Variants in KRT7 observed in about 807,000 individuals in gnomAD.
The protein encoded by KRT7 is keratin 7.
KRT7 carries 50 observed loss-of-function variants against 42.8 expected under a neutral mutation model. The ratio of observed to expected loss-of-function variants is 1.17; its 90% CI spans 0.93 to 1.48. KRT7 has a LOEUF of 1.48. KRT7 is among the 40% of genes most tolerant of loss of function. The pLI, the probability that KRT7 is intolerant of heterozygous loss-of-function variation, is 0.00. For missense variants in KRT7, 588 were observed against 637.6 expected (o/e 0.92, Z 0.84); for synonymous variants, 268 against 266.3 (o/e 1.01, Z -0.06).
At position 52,235,306 on chromosome 12, in the gene KRT7, G is replaced by A. The variant is rs1056043991; in HGVS notation, c.476G>A (p.Gly159Glu). 2 of 1,613,990 alleles carry A rather than the reference G, an allele frequency of 1.2e-6. No individual in the cohort carries two copies. The highest frequency in any genetic ancestry group is 1.7e-6 in the Non-Finnish European group (2 of 1,179,976). The part of the protein sequence containing the change: ...RGQLEALQVD[G>E]GRLEAELRSM... ...CAGCTTGAGGCACTGCAGGTGGATG[G>A]GGGCCGCCTGGAGGCGGAGCTGCGG... The change falls in exon 2 of 9, where the codon GGG becomes GAG. Residue 159 changes from glycine (G) to glutamate (E), a missense_variant. Gly to Glu is a moderately conservative substitution (Grantham distance 98). Coordinates refer to ENST00000331817, the MANE Select transcript of KRT7 (RefSeq NM_005556.4).
chr12:52,255,224 C>A, downstream of KRT7: 1 of 393,136 alleles, frequency 2.5e-6, no homozygotes. Context: ...GGAGTCCCTC[C>A]ACCTCTCCGA....
At chr12:52,238,530 C>T (rs73105198) in intron 3 of KRT7, 150 bp from the exon 4 acceptor site, 108,228 of 618,708 alleles carry the variant, frequency 0.17, 10,844 homozygotes, top group Non-Finnish European at 0.21. Context: ...CATGCTGTGA[C>T]CATGTACAGC....
At chr12:52,253,175 T>G, downstream of KRT7, 2 of 1,573,670 alleles carry the variant, frequency 1.3e-6, no homozygotes, top group Non-Finnish European at 1.7e-6. Flanking sequence ...CTAACCCCAC[T>G]CTCTTCCTAC....
chr12:52,251,211 C>A (rs141677266), downstream of KRT7, among the ~76,000 whole-genome samples: 981 of 152,234 alleles, frequency 6.4e-3, 14 homozygotes, highest in African/African-American at 0.022. Flanking sequence ...AACTCCTGAC[C>A]TCAAGTGATC....
chr12:52,247,885 C>T (rs1247573162), intron 7 of KRT7: 5 of 485,770 alleles, frequency 1.0e-5, no homozygotes, highest in Non-Finnish European at 1.5e-5. Context: ...TGTCATTTAA[C>T]CCTCACAGGC....
chr12:52,235,014 G>A, intron 1 of KRT7, 141 bp from the exon 2 acceptor site: 1 of 736,502 alleles, frequency 1.4e-6, no homozygotes, highest in Non-Finnish European at 2.3e-6. Flanking sequence ...GAGTCCAAAG[G>A]GAGAGGGCTG....
chr12:52,245,403 T>A lies in KRT7; in HGVS notation c.985-9T>A. The A allele has an allele frequency of 6.2e-7, 1 of 1,613,108 alleles. No individual in the cohort carries two copies. The highest frequency in any genetic ancestry group is 8.5e-7 in the Non-Finnish European group (1 of 1,179,734). On this transcript the variant is annotated splice_polypyrimidine_tract_variant and intron_variant, in intron 6 of 8. Transcript: ENST00000331817. ...GAGCCCCAGCTTACAGCTGCACTGCTGCCCACAGCGTGCCAAGTTGGAGGC... is the reference window on the plus strand; with the variant it reads ...GAGCCCCAGCTTACAGCTGCACTGCAGCCCACAGCGTGCCAAGTTGGAGGC...
downstream of KRT7, chr12:52,250,394 G>C (rs1376530737): frequency 7.6e-6 from 3 of 394,994 alleles, no homozygotes; most frequent in Non-Finnish European, 1.4e-5. Context: ...TCTGGGGACC[G>C]TGGGAGCTCC....
chr12:52,242,328 C>T (rs752511548), intron 5 of KRT7, among the ~76,000 whole-genome samples: 6 of 152,168 alleles, frequency 3.9e-5, no homozygotes, highest in Non-Finnish European at 8.8e-5. Flanking sequence ...AAGTAATTTG[C>T]CTAACTGCAT....
At chr12:52,236,501 G>C (rs904986976) in intron 2 of KRT7, among the ~76,000 whole-genome samples, 13 of 152,160 alleles carry the variant, frequency 8.5e-5, no homozygotes, top group African/African-American at 2.9e-4. Flanking sequence ...GCTGCTCAGG[G>C]AGTTCCGATC....
chr12:52,255,233 G>A (rs567405026), downstream of KRT7: 7 of 410,222 alleles, frequency 1.7e-5, no homozygotes, highest in African/African-American at 4.1e-5. Context: ...CCACCTCTCC[G>A]AACTACAGAG....
chr12:52,241,154 C>T (rs1461715196), intron 4 of KRT7, among the ~76,000 whole-genome samples: 1 of 152,138 alleles, frequency 6.6e-6, no homozygotes, highest in Non-Finnish European at 1.5e-5. Context: ...TCCCCATGGC[C>T]TCCCTCACAA....
chr12:52,233,267 C>T lies in KRT7; in HGVS notation c.-30C>T, dbSNP rs745992929. On this transcript the variant is annotated 5_prime_UTR_variant, in exon 1 of 9. Coordinates refer to ENST00000331817, the MANE Select transcript of KRT7 (RefSeq NM_005556.4). The stretch of plus-strand genomic sequence containing the variant: ...CAGCGAGTGCGCGCTCCTCCTCGCC[C>T]GCCGCTAGGTCCATCCCGGCCCAGC... 8 of 1,484,934 alleles carry T rather than the reference C, an allele frequency of 5.4e-6. No homozygotes were observed. Among genetic ancestry groups the T allele is most frequent in the Middle Eastern group, 1.8e-4 (1 of 5,612 alleles). The allele number at this position is 1,484,934 out of a possible 1,614,324, so 92.0% of individuals were successfully genotyped here.
Position 52,243,269 on chromosome 12 carries a change from T to C in KRT7, c.984+132T>C. 2.9e-6 allele frequency: 3 copies of C among 1,037,834 alleles called. No individual in the cohort carries two copies. The Admixed American group carries it at 8.3e-5, about 29-fold the overall frequency. 64.3% of individuals were successfully genotyped at this position (1,037,834 alleles called of 1,614,324 possible). A position where few individuals can be genotyped will look rare whatever the true frequency, so the allele number is the denominator to read the frequency against. On this transcript the variant is annotated intron_variant, in intron 6 of 8. Transcript: ENST00000331817. Reference sequence around the variant, plus strand: ...GCTGGTGCCACTGTCTCAGACCCCCTTGTGAGATCTCCAGCACAGAATGTT... The same window carrying C: ...GCTGGTGCCACTGTCTCAGACCCCCCTGTGAGATCTCCAGCACAGAATGTT...
At chr12:52,246,192 G>C (rs1028344314) in intron 7 of KRT7, 2 of 153,424 alleles carry the variant, frequency 1.3e-5, no homozygotes, top group African/African-American at 2.4e-5. Context: ...GAATGGGGGA[G>C]TCTGATAGCA....
intron 7 of KRT7, chr12:52,247,262 ATTC>A (rs1301641270): frequency 6.6e-6 from 1 of 152,198 alleles, no homozygotes; most frequent in African/African-American, 2.4e-5. Context: ...CGTACCAGAA[ATTC>A]TTCGAGTTGC....
rs1197502149 is a variant in KRT7 at position 52,236,508 on chromosome 12, G to A, written c.537-1001G>A. Among the ~76,000 whole-genome samples, 7 of 152,158 alleles carry A rather than the reference G, an allele frequency of 4.6e-5. No individual in the cohort carries two copies. In the South Asian group the frequency reaches 1.0e-3, roughly 23 times the overall value. On this transcript the variant is annotated intron_variant, in intron 2 of 8. Transcript: ENST00000331817. ...TGTGTGCAGCTGCTCAGGGAGTTCC[G>A]ATCTGTGCACCCTCTTGACCTGGCT...
At chr12:52,252,466 C>T (rs1359581003), downstream of KRT7, 5 of 1,614,002 alleles carry the variant, frequency 3.1e-6, no homozygotes, top group East Asian at 1.1e-4. Context: ...GCCACCGCGG[C>T]CTCCAGCTTG....
chr12:52,252,508 G>C (rs1398640654), downstream of KRT7: 1 of 1,612,082 alleles, frequency 6.2e-7, no homozygotes, highest in East Asian at 2.2e-5. Context: ...GGTTATTAAG[G>C]ATCTCTGTTC....
Sources: gnomAD v4.1 joint callset for allele counts (sites outside exome capture counted in the v4.1 genomes callset) on GRCh38, gnomAD v4.1.1 for gene constraint, MANE v1.5 for transcripts, NCBI Gene and HGNC (gene_info 2026-07-23, HGNC 2026-07-21) for gene names.